Variants in PRDM16 observed in about 807,000 individuals in gnomAD.
PRDM16 encodes PR/SET domain 16.
In PRDM16, 23 loss-of-function variants were observed where a neutral mutation model predicts 110.6. The ratio of observed to expected loss-of-function variants is 0.21; its 90% CI spans 0.15 to 0.29. The LOEUF (loss-of-function observed/expected upper bound fraction) is 0.29. Among genes scored for constraint, PRDM16 ranks in the 10% least tolerant of loss-of-function variants. The pLI, the probability that PRDM16 is intolerant of heterozygous loss-of-function variation, is 1.00. For missense variants in PRDM16, 1,615 were observed against 1,794.3 expected (o/e 0.90, Z 1.81); for synonymous variants, 799 against 781.8 (o/e 1.02, Z -0.37).
intron 1 of PRDM16, among the ~76,000 whole-genome samples, chr1:3,153,162 C>A: frequency 1.3e-5 from 2 of 152,178 alleles, no homozygotes; most frequent in Non-Finnish European, 2.9e-5. Flanking sequence ...GCATGGTGAC[C>A]CCTCCCCTGC....
At chr1:3,269,704 A>G (rs1640387846) in intron 3 of PRDM16, among the ~76,000 whole-genome samples, 2 of 150,304 alleles carry the variant, frequency 1.3e-5, no homozygotes, top group South Asian at 4.3e-4. Context: ...GACAGTCAGG[A>G]GGAGCACAGT....
intron 14 of PRDM16, 76 bp from the exon 15 acceptor site, chr1:3,430,796 A>T: frequency 1.1e-5 from 17 of 1,541,206 alleles, no homozygotes; most frequent in Non-Finnish European, 1.5e-5. Context: ...GGCAGAGCGG[A>T]GTCACCAGCC....
chr1:3,181,807 C>T (rs372827550), intron 1 of PRDM16, among the ~76,000 whole-genome samples: 3,363 of 141,382 alleles, frequency 0.024, 67 homozygotes, highest in Admixed American at 0.029. Context: ...GTCTTACACA[C>T]GGTCTTACAC....
At chr1:3,076,476 G>A (rs561312214) in intron 1 of PRDM16, among the ~76,000 whole-genome samples, 69 of 152,332 alleles carry the variant, frequency 4.5e-4, no homozygotes, top group African/African-American at 1.6e-3. Context: ...CCCCTGCGTG[G>A]AGTGGCTCAG....
intron 1 of PRDM16, among the ~76,000 whole-genome samples, chr1:3,136,952 G>A (rs1022680760): frequency 6.6e-5 from 10 of 152,214 alleles, no homozygotes; most frequent in African/African-American, 1.2e-4. Flanking sequence ...CCCTGGCTCT[G>A]GGCTGGAGAG....
intron 4 of PRDM16, among the ~76,000 whole-genome samples, chr1:3,393,985 C>A (rs1181129796): frequency 1.3e-5 from 2 of 152,174 alleles, no homozygotes; most frequent in African/African-American, 2.4e-5. Context: ...CGCGGCCCGG[C>A]GCGCTAGACC....
intron 1 of PRDM16, among the ~76,000 whole-genome samples, chr1:3,134,872 G>A (rs975999744): frequency 1.3e-5 from 2 of 152,208 alleles, no homozygotes; most frequent in East Asian, 1.9e-4. Context: ...TGGGACACCC[G>A]GGAGCCCACC....
At chr1:3,367,194 G>A (rs927380274) in intron 3 of PRDM16, among the ~76,000 whole-genome samples, 25 of 152,210 alleles carry the variant, frequency 1.6e-4, no homozygotes, top group Admixed American at 1.1e-3. Context: ...TCTTGAACCC[G>A]GGAAGCAAAG....
At chr1:3,367,616 G>A (rs1001751787) in intron 3 of PRDM16, among the ~76,000 whole-genome samples, 5 of 152,152 alleles carry the variant, frequency 3.3e-5, no homozygotes, top group Admixed American at 6.5e-5. Flanking sequence ...AAACACGTGC[G>A]GTCCTGTGGT....
intron 1 of PRDM16, among the ~76,000 whole-genome samples, chr1:3,114,303 A>T: frequency 8.2e-6 from 1 of 121,734 alleles, no homozygotes; most frequent in East Asian, 3.0e-4. Flanking sequence ...ACGCACACGC[A>T]CGCACACACA....
chr1:3,195,589 C>T (rs1383489100), intron 2 of PRDM16, among the ~76,000 whole-genome samples: 1 of 149,270 alleles, frequency 6.7e-6, no homozygotes, highest in Non-Finnish European at 1.5e-5. Flanking sequence ...ACACGCCCCG[C>T]CCCCCCTGTC....
At chr1:3,145,476 C>A (rs1643629732) in intron 1 of PRDM16, among the ~76,000 whole-genome samples, 1 of 152,170 alleles carries the variant, frequency 6.6e-6, no homozygotes, top group African/African-American at 2.4e-5. Context: ...GGACGGCAGC[C>A]TGGACTGGAG....
At chr1:3,165,240 G>A (rs943273884) in intron 1 of PRDM16, among the ~76,000 whole-genome samples, 3 of 140,440 alleles carry the variant, frequency 2.1e-5, no homozygotes, top group African/African-American at 7.8e-5. Flanking sequence ...CTCAGGGACA[G>A]TGACTTACCT....
At chr1:3,266,538 A>T (rs1401131431) in intron 3 of PRDM16, among the ~76,000 whole-genome samples, 1 of 152,196 alleles carries the variant, frequency 6.6e-6, no homozygotes, top group Non-Finnish European at 1.5e-5. Flanking sequence ...CGCTCCTCCG[A>T]CGAGGAGAGG....
intron 16 of PRDM16, 84 bp from the exon 17 acceptor site, chr1:3,433,593 C>T (rs995316435): frequency 1.2e-6 from 1 of 838,128 alleles, no homozygotes; most frequent in South Asian, 1.9e-5. Flanking sequence ...CCTGCCCACG[C>T]GCTCACCTGC....
Position 3,245,736 on chromosome 1 carries a change from T to TA in PRDM16, c.438+1599_438+1600insA, listed in dbSNP as rs1639776848. ...TCCTGCCTCTTTAAATGAGTTCACA[T>TA]TTTCTTAAAGGACATAGAGGAGCAG... is the stretch of plus-strand genomic sequence containing the variant. On this transcript the variant is annotated intron_variant, in intron 3 of 16. Transcript: ENST00000270722. This position sits in a 1 kb window ranked among gnomAD's most constrained non-coding sequence, Gnocchi z 4.7. Among the ~76,000 whole-genome samples the TA allele has an allele frequency of 9.9e-6, 1 of 100,770 alleles. No individual in the cohort carries two copies. The highest frequency in any genetic ancestry group is 3.4e-4 in the South Asian group (1 of 2,918). 66.1% of individuals were successfully genotyped at this position (100,770 alleles called of 152,430 possible). A position where few individuals can be genotyped will look rare whatever the true frequency, so the allele number is the denominator to read the frequency against.
At chr1:3,076,406 A>G (rs1350706783) in intron 1 of PRDM16, among the ~76,000 whole-genome samples, 1 of 152,084 alleles carries the variant, frequency 6.6e-6, no homozygotes, top group Non-Finnish European at 1.5e-5. Context: ...TGCTTCTGAG[A>G]TGTGTTCTGA....
chr1:3,347,608 G>A (rs923580043), intron 3 of PRDM16, among the ~76,000 whole-genome samples: 2 of 152,234 alleles, frequency 1.3e-5, no homozygotes, highest in South Asian at 2.1e-4. Context: ...GTCAGTCCTC[G>A]GAGTAGCTTG....
chr1:3,316,651 C>G (rs1234493390), intron 3 of PRDM16, among the ~76,000 whole-genome samples: 1 of 146,654 alleles, frequency 6.8e-6, no homozygotes, highest in African/African-American at 2.6e-5. Context: ...AACAGTGACA[C>G]AGTGACACAG....
Sources: allele counts gnomAD v4.1 joint callset (sites outside exome capture counted in the v4.1 genomes callset), GRCh38; gene constraint gnomAD v4.1.1; non-coding constraint Gnocchi (gnomAD v3.1); transcripts MANE v1.5; gene names NCBI Gene and HGNC (gene_info 2026-07-23, HGNC 2026-07-21).